Variants in ZCCHC2 observed in about 807,000 individuals in gnomAD.
ZCCHC2 encodes zinc finger CCHC domain-containing protein 2.
Under a neutral mutation model 103.6 loss-of-function variants are expected in ZCCHC2, and 39 were observed. The observed-to-expected ratio is 0.38, with a 90% CI of 0.29 to 0.49. The LOEUF (loss-of-function observed/expected upper bound fraction) is 0.49. Among genes scored for constraint, ZCCHC2 ranks in the 20% least tolerant of loss-of-function variants. ZCCHC2 has a pLI of 0.96. For synonymous variants in ZCCHC2, 687 were observed against 608.9 expected (o/e 1.13, Z -1.89); for missense variants, 1,483 against 1,491.0 (o/e 0.99, Z 0.09).
chr18:62,564,806 A>G (rs557295978), intron 10 of ZCCHC2, among the ~76,000 whole-genome samples, 171 bp downstream of exon 10: 1 of 140,198 alleles, frequency 7.1e-6, no homozygotes, highest in South Asian at 2.7e-4. Flanking sequence ...AAATAAAGCT[A>G]CTGTCAAATA....
chr18:62,524,553 C>T lies in ZCCHC2; in HGVS notation c.939+190C>T, dbSNP rs1160621931. 18 of 869,352 alleles carry T rather than the reference C, an allele frequency of 2.1e-5. No individual in the cohort carries two copies. The South Asian group carries it at 3.0e-4, about 15-fold the overall frequency. 53.9% of individuals were successfully genotyped at this position (869,352 alleles called of 1,614,324 possible). ...GGGCCGCTCCGTTCCACTCCCCCAC[C>T]CCACCCCACACCCCGGCAGACACAG... On this transcript the variant is annotated intron_variant, in intron 1 of 13. Transcript: ENST00000269499.
chr18:62,566,773 C>T (rs779852888), intron 11 of ZCCHC2, among the ~76,000 whole-genome samples: 1 of 152,210 alleles, frequency 6.6e-6, no homozygotes, highest in Non-Finnish European at 1.5e-5. Context: ...CCTTTGTTTG[C>T]TCATTTGTAA....
At chr18:62,557,306 A>G (rs1024330411) in intron 6 of ZCCHC2, among the ~76,000 whole-genome samples, 1 of 152,224 alleles carries the variant, frequency 6.6e-6, no homozygotes, top group East Asian at 1.9e-4. Flanking sequence ...ATGGCAAGGA[A>G]CATTTTTCTT....
intron 1 of ZCCHC2, among the ~76,000 whole-genome samples, chr18:62,536,739 G>A (rs1245478659): frequency 6.6e-6 from 1 of 152,156 alleles, no homozygotes; most frequent in East Asian, 1.9e-4. Flanking sequence ...GAGACTTGGA[G>A]GAGAAAATAA....
At chr18:62,563,257 G>A (rs1242125178) in intron 9 of ZCCHC2, 113 bp downstream of exon 9, 1 of 1,304,700 alleles carries the variant, frequency 7.7e-7, no homozygotes, top group East Asian at 2.4e-5. Flanking sequence ...AGAAATGAAG[G>A]AATGTTTAAG....
intron 1 of ZCCHC2, among the ~76,000 whole-genome samples, chr18:62,535,187 C>A (rs2145490955): frequency 6.6e-6 from 1 of 152,332 alleles, no homozygotes; most frequent in African/African-American, 2.4e-5. Flanking sequence ...TCTCTAGATC[C>A]TTGTGCACTC....
chr18:62,560,624 T>A lies in ZCCHC2; in HGVS notation c.1530T>A (p.Thr510=). The change falls in exon 8 of 14, where the codon ACT becomes ACA. Residue 510 remains threonine (T), a synonymous_variant. Coordinates refer to ENST00000269499, the MANE Select transcript of ZCCHC2 (RefSeq NM_017742.6). The stretch of plus-strand genomic sequence containing the variant: ...ATGCCATAATCCACAAGAAGCATAC[T>A]GGGAAAAGTCCCATTGTGAAGTAAG... ...LQHAIIHKKH[T]GKSPIVNNIG... The A allele has an allele frequency of 6.2e-7, 1 of 1,613,478 alleles. No individual in the cohort carries two copies. Among genetic ancestry groups the A allele is most frequent in the South Asian group, 1.1e-5 (1 of 91,038 alleles).
chr18:62,567,556 T>G (rs983894148), intron 11 of ZCCHC2, among the ~76,000 whole-genome samples: 4 of 152,170 alleles, frequency 2.6e-5, no homozygotes, highest in Non-Finnish European at 5.9e-5. Context: ...CCGTCAGCTG[T>G]CTGTGTTGTT....
intron 4 of ZCCHC2, among the ~76,000 whole-genome samples, chr18:62,546,581 G>A (rs928978879): frequency 1.7e-4 from 26 of 152,166 alleles, no homozygotes; most frequent in Admixed American, 2.6e-4. Flanking sequence ...CCTTGAAAAG[G>A]GGGGTTCAGA....
In ZCCHC2 at chr18:62,534,940, A is replaced by G. The variant is rs1304718687; in HGVS notation, c.940-4741A>G. ...TATAGTAAATCAGTTACTGCCGTAG[A>G]TCCTTCTTAGGTTCTATAAGCTTAT... is the stretch of plus-strand genomic sequence containing the variant. On this transcript the variant is annotated intron_variant, in intron 1 of 13. Coordinates refer to ENST00000269499, the MANE Select transcript of ZCCHC2 (RefSeq NM_017742.6). 2.6e-5 allele frequency among the ~76,000 whole-genome samples: 4 copies of G among 152,314 alleles called. No homozygotes were observed. In the East Asian group the frequency reaches 7.7e-4, roughly 29 times the overall value.
chr18:62,564,496 A>T, intron 9 of ZCCHC2, 75 bp from the exon 10 acceptor site: 1 of 1,054,314 alleles, frequency 9.5e-7, no homozygotes, highest in Non-Finnish European at 1.3e-6. Flanking sequence ...CTATCATTTT[A>T]ATGTTTATTA....
rs1374820735 is a variant in ZCCHC2, at chr18:62,523,612, C to A, written c.188C>A (p.Pro63Gln). 9 of 1,163,560 alleles carry A rather than the reference C, an allele frequency of 7.7e-6. No homozygotes were observed. The highest frequency in any genetic ancestry group is 9.5e-6 in the Non-Finnish European group (9 of 945,616). 72.1% of individuals were successfully genotyped at this position (1,163,560 alleles called of 1,614,324 possible). A position where few individuals can be genotyped will look rare whatever the true frequency, so the allele number is the denominator to read the frequency against. Residue 63 changes from proline to glutamine, a missense_variant, in exon 1 of 14, where the codon CCG becomes CAG. Physicochemically the swap from Pro to Gln is moderately conservative, Grantham distance 76 (BLOSUM62 -1). Transcript: ENST00000269499. ...PSRGPLPPPP[P>Q]PRGLGPPVAG... ...CGGGGCCCTCTGCCGCCGCCGCCGC[C>A]GCCCCGGGGACTCGGGCCGCCTGTT... is the stretch of plus-strand genomic sequence containing the variant.
rs117822200 is a variant in ZCCHC2, at chr18:62,570,276, G to A, written c.1975+45G>A. 7.4e-3 allele frequency: 11,803 copies of A among 1,593,112 alleles called. 53 individuals are homozygous for A. Among genetic ancestry groups the A allele is most frequent in the Non-Finnish European group, 9.2e-3 (10,779 of 1,169,354 alleles). The stretch of plus-strand genomic sequence containing the variant: ...AGTATTGTTGGCATGGCAGGGGTGG[G>A]GAAGTGGAGGGAAATGTGTGTTGTT... On this transcript the variant is annotated intron_variant, in intron 12 of 13. Transcript: ENST00000269499.
Position 62,558,754 on chromosome 18 carries a change from T to G in ZCCHC2, c.1476T>G (p.Ala492=). The G allele has an allele frequency of 5.8e-6, 9 of 1,545,354 alleles. No individual in the cohort carries two copies. The highest frequency in any genetic ancestry group is 7.9e-6 in the Non-Finnish European group (9 of 1,144,214). The change falls in exon 7 of 14, where the codon GCT becomes GCG. Residue 492 remains alanine, a synonymous_variant. Coordinates refer to ENST00000269499, the MANE Select transcript of ZCCHC2 (RefSeq NM_017742.6). ...LEHLKEDSSE[A]SSQEEDVLQH... is the part of the protein sequence containing the mutation. Reference sequence around the variant, plus strand: ...ACTTAAAAGAAGACAGCTCTGAAGCTTCAAGTCAAGAAGAAGGTAAAGGTA... The same window carrying G: ...ACTTAAAAGAAGACAGCTCTGAAGCGTCAAGTCAAGAAGAAGGTAAAGGTA...
chr18:62,584,969 A>T (rs1390180599), exon 15 of ZCCHC2: 1 of 152,320 alleles, frequency 6.6e-6, no homozygotes, highest in Non-Finnish European at 1.5e-5. Context: ...GTGTAAGGTG[A>T]TAGGAACCCA....
chr18:62,529,570 TAA>T (rs1914594498), intron 1 of ZCCHC2, among the ~76,000 whole-genome samples: 1 of 152,206 alleles, frequency 6.6e-6, no homozygotes, highest in Admixed American at 6.5e-5. Flanking sequence ...AGTTCAGTTA[TAA>T]AAGCCATTTG....
chr18:62,544,708 TTAAG>T (rs966197628), intron 3 of ZCCHC2, 90 bp from the exon 4 acceptor site: 3 of 993,756 alleles, frequency 3.0e-6, no homozygotes, highest in Non-Finnish European at 4.4e-6. Context: ...TTAGTAAAAT[TTAAG>T]TAAGGCCCTT....
chr18:62,576,527 G>A lies in ZCCHC2; in HGVS notation c.3485G>A (p.Arg1162Lys). The change falls in exon 14 of 14, where the codon AGA becomes AAA. Residue 1162 changes from arginine (R) to lysine (K), a missense_variant. By Grantham distance (26) the Arg-to-Lys change is conservative. This residue lies in a region of ZCCHC2 where 884 missense variants were observed against 907.5 expected (regional missense o/e 0.97). Coordinates refer to ENST00000269499, the MANE Select transcript of ZCCHC2 (RefSeq NM_017742.6). ...CCCATTTTAGGCACTTACAGACTGA[G>A]ATACGCACCTCCCCTCCCCCCTTCT... ...EANQQGTYRL[R>K]YAPPLPPSND... 6.2e-7 allele frequency: 1 copy of A among 1,613,706 alleles called. No homozygotes were observed. The highest frequency in any genetic ancestry group is 8.5e-7 in the Non-Finnish European group (1 of 1,179,746).
intron 3 of ZCCHC2, 53 bp from the exon 4 acceptor site, chr18:62,544,749 C>T: frequency 6.9e-7 from 1 of 1,454,134 alleles, no homozygotes; most frequent in South Asian, 1.3e-5. Flanking sequence ...TTTTTTCTAG[C>T]CGGTTCCTGC....
Sources: allele counts gnomAD v4.1 joint callset (sites outside exome capture counted in the v4.1 genomes callset), GRCh38; gene constraint gnomAD v4.1.1; regional missense constraint gnomAD v4.1.1; transcripts MANE v1.5; gene names NCBI Gene and HGNC (gene_info 2026-07-23, HGNC 2026-07-21).